Variants in RBM39 observed in about 807,000 individuals in gnomAD.
RBM39 encodes RNA binding motif protein 39, also known as RNA-binding protein 39.
A neutral mutation model predicts 79.6 loss-of-function variants in RBM39; 12 were observed. The observed-to-expected ratio is 0.15, with a 90% CI of 0.10 to 0.24. RBM39 has a LOEUF of 0.24. Ranked by LOEUF, RBM39 falls within the 10% of genes least tolerant of loss-of-function variation. The pLI, the probability that RBM39 is intolerant of heterozygous loss-of-function variation, is 1.00. For missense variants in RBM39, 243 were observed against 653.4 expected (o/e 0.37, Z 6.85); for synonymous variants, 185 against 208.4 (o/e 0.89, Z 0.97).
intron 12 of RBM39, among the ~76,000 whole-genome samples, chr20:35,712,435 CAAAAAAAAAA>C (rs765974114): frequency 3.0e-5 from 1 of 32,824 alleles, no homozygotes; most frequent in African/African-American, 1.1e-4. Flanking sequence ...TACTGTTATC[CAAAAAAAAAA>C]AAAAAAAAAA....
chr20:35,724,927 A>G, intron 7 of RBM39, 111 bp downstream of exon 7: 2 of 1,016,290 alleles, frequency 2.0e-6, no homozygotes, highest in Non-Finnish European at 2.9e-6. Flanking sequence ...GGCAAAATGG[A>G]AACATTACCA....
In RBM39 at chr20:35,721,884, G is replaced by A; in HGVS notation, c.688-7C>T. The stretch of plus-strand genomic sequence containing the variant: ...CAGCTCTGTTTTTTTCTGCCTAGAA[G>A]ACAAAATACACGTCACACAGAGATA... On this transcript the variant is annotated splice_region_variant and splice_polypyrimidine_tract_variant and intron_variant, in intron 8 of 16. Coordinates refer to ENST00000253363, the MANE Select transcript of RBM39 (RefSeq NM_184234.3). 6.2e-7 allele frequency: 1 copy of A among 1,612,436 alleles called. No individual in the cohort carries two copies. Among genetic ancestry groups the A allele is most frequent in the Non-Finnish European group, 8.5e-7 (1 of 1,178,744 alleles).
At chr20:35,715,621 A>G (rs1487837692) in intron 10 of RBM39, among the ~76,000 whole-genome samples, 2 of 152,244 alleles carry the variant, frequency 1.3e-5, no homozygotes, top group Non-Finnish European at 2.9e-5. Context: ...AGATGAACGT[A>G]TAAAACATTC....
At chr20:35,717,455 G>T (rs775958798) in intron 9 of RBM39, among the ~76,000 whole-genome samples, 1 of 152,032 alleles carries the variant, frequency 6.6e-6, no homozygotes, top group Non-Finnish European at 1.5e-5. Context: ...ACCAATAGAA[G>T]GTAGAAACAA....
chr20:35,716,326 G>A (rs1214452775), intron 10 of RBM39, among the ~76,000 whole-genome samples: 4 of 152,024 alleles, frequency 2.6e-5, no homozygotes, highest in African/African-American at 4.8e-5. Flanking sequence ...CACCCGCCTC[G>A]GCCTCCCAAA....
Position 35,713,089 on chromosome 20 carries a change from A to G in RBM39, c.1104T>C (p.Gly368=). Residue 368 remains glycine, a synonymous_variant, in exon 12 of 17, where the codon GGT becomes GGC. Transcript: ENST00000253363. ...GCTGTGCTGCTGGCGGAATCTGCAA[A>G]CCTGTACCTGTAAAAGAATAGTCTT... is the stretch of plus-strand genomic sequence containing the variant. The part of the protein sequence containing the change: ...QLMARLAEGT[G]LQIPPAAQQA... 1 of 1,613,130 alleles carries G rather than the reference A, an allele frequency of 6.2e-7. No individual in the cohort carries two copies. Among genetic ancestry groups the G allele is most frequent in the Non-Finnish European group, 8.5e-7 (1 of 1,179,498 alleles).
Position 35,734,146 on chromosome 20 carries a change from T to C in RBM39, c.102-2011A>G, listed in dbSNP as rs534283857. ...CCTCAGAGAACCTGTAAGCAGGTCA[T>C]CTTTAGAGTGCATTGAAAATAGAAA... is the stretch of plus-strand genomic sequence containing the variant. On this transcript the variant is annotated intron_variant, in intron 3 of 16. Coordinates refer to ENST00000253363, the MANE Select transcript of RBM39 (RefSeq NM_184234.3). 3.8e-5 allele frequency: 46 copies of C among 1,213,618 alleles called. No homozygotes were observed. In the African/African-American group the frequency reaches 5.5e-4, roughly 14 times the overall value. 75.2% of individuals were successfully genotyped at this position (1,213,618 alleles called of 1,614,324 possible).
intron 13 of RBM39, chr20:35,707,947 A>G (rs1350553972): frequency 6.5e-6 from 3 of 461,114 alleles, no homozygotes; most frequent in Non-Finnish European, 4.5e-6. Flanking sequence ...CACCGTAATC[A>G]TATTATCTGA....
chr20:35,718,676 G>C (rs1411086882), intron 9 of RBM39, among the ~76,000 whole-genome samples: 1 of 152,020 alleles, frequency 6.6e-6, no homozygotes, highest in African/African-American at 2.4e-5. Flanking sequence ...AGCAGGGTGT[G>C]GTGCCGCATG....
intron 5 of RBM39, 22 bp from the exon 6 acceptor site, chr20:35,729,387 G>GA: frequency 6.2e-7 from 1 of 1,604,394 alleles, no homozygotes; most frequent in Non-Finnish European, 8.5e-7. Context: ...AAAAGTTTCA[G>GA]AAGTTATCCA....
chr20:35,719,919 AT>A, intron 9 of RBM39: 1 of 200,786 alleles, frequency 5.0e-6, no homozygotes. Flanking sequence ...AGTAGCTGGG[AT>A]TAGAGGGATG....
In RBM39 at chr20:35,724,997, A is replaced by G. The variant is rs1185076063; in HGVS notation, c.534+41T>C. ...TTGATGTTTACATGTTTTCTCTTGC[A>G]ATTTCTACCTACTTGACCTCCCTAA... On this transcript the variant is annotated intron_variant, in intron 7 of 16. Transcript: ENST00000253363. 5 of 1,358,492 alleles carry G rather than the reference A, an allele frequency of 3.7e-6. No homozygotes were observed. The East Asian group carries it at 9.2e-5, about 25-fold the overall frequency. The allele number at this position is 1,358,492 out of a possible 1,614,324, so 84.2% of individuals were successfully genotyped here. A position where few individuals can be genotyped will look rare whatever the true frequency, so the allele number is the denominator to read the frequency against.
intron 3 of RBM39, chr20:35,734,228 T>C (rs1246751687): frequency 1.2e-5 from 16 of 1,303,824 alleles, no homozygotes; most frequent in African/African-American, 1.5e-5. Flanking sequence ...CAAGGAGATG[T>C]AGAGCTTTCC....
intron 6 of RBM39, among the ~76,000 whole-genome samples, chr20:35,728,434 A>G (rs527691578): frequency 6.6e-6 from 1 of 152,356 alleles, no homozygotes; most frequent in Admixed American, 6.5e-5. Context: ...CATTAAAAAT[A>G]ATAAATGCAA....
intron 16 of RBM39, 24 bp from the exon 17 acceptor site, chr20:35,704,605 G>A: frequency 9.3e-6 from 15 of 1,609,822 alleles, no homozygotes; most frequent in Non-Finnish European, 1.3e-5. Flanking sequence ...CAGACATGTT[G>A]GGTTTAGCAT....
intron 3 of RBM39, among the ~76,000 whole-genome samples, chr20:35,738,083 G>A (rs566469912): frequency 6.6e-6 from 1 of 151,968 alleles, no homozygotes; most frequent in South Asian, 2.1e-4. Flanking sequence ...TTGAATCTGG[G>A]AGGCAGTGGT....
intron 2 of RBM39, 61 bp downstream of exon 2, chr20:35,740,763 A>G: frequency 6.6e-7 from 1 of 1,506,304 alleles, no homozygotes; most frequent in Non-Finnish European, 9.2e-7. Context: ...TTTCAGCAGT[A>G]GTTTCGTGAA....
chr20:35,708,156 GT>G, intron 13 of RBM39, among the ~76,000 whole-genome samples: 1 of 150,956 alleles, frequency 6.6e-6, no homozygotes, highest in East Asian at 1.9e-4. Context: ...TAACATATAA[GT>G]TTTTTCTTTC....
intron 3 of RBM39, among the ~76,000 whole-genome samples, chr20:35,738,356 G>T (rs963500538): frequency 5.3e-5 from 8 of 152,106 alleles, no homozygotes; most frequent in Non-Finnish European, 1.2e-4. Context: ...CTATAGCAGA[G>T]TTCTATTGAG....
Sources: allele counts gnomAD v4.1 joint callset (sites outside exome capture counted in the v4.1 genomes callset), GRCh38; gene constraint gnomAD v4.1.1; transcripts MANE v1.5; gene names NCBI Gene and HGNC (gene_info 2026-07-23, HGNC 2026-07-21).